Variants in MANSC4 observed in about 807,000 individuals in gnomAD.
MANSC4 encodes MANSC domain containing 4, also known as MANSC domain-containing protein 4.
MANSC4 carries 11 observed loss-of-function variants against 11.4 expected under a neutral mutation model. The observed-to-expected ratio is 0.97, with a 90% CI of 0.61 to 1.60. The LOEUF (loss-of-function observed/expected upper bound fraction) is 1.60, where lower values mean the gene tolerates loss of function less well. MANSC4 is among the 40% of genes most tolerant of loss of function. The probability of loss-of-function intolerance (pLI) is 0.00; values close to 1 mark genes in which losing one functional copy is unlikely to be tolerated. For synonymous variants in MANSC4, 123 were observed against 147.1 expected (o/e 0.84, Z 1.19); for missense variants, 354 against 404.6 (o/e 0.88, Z 1.07).
At chr12:27,770,966 C>T in intron 2 of MANSC4, 82 bp downstream of exon 2, 5 of 1,006,820 alleles carry the variant, frequency 5.0e-6, no homozygotes, top group Non-Finnish European at 7.2e-6. Context: ...TGTTTACTGG[C>T]CTCTGCCTAA....
intron 1 of MANSC4, among the ~76,000 whole-genome samples, chr12:27,776,588 G>A (rs190801596): frequency 1.8e-3 from 267 of 152,030 alleles, no homozygotes; most frequent in African/African-American, 6.3e-3. Context: ...GAATTAACCG[G>A]GCATAGTGGC....
intron 1 of MANSC4, among the ~76,000 whole-genome samples, chr12:27,774,309 C>T (rs540108088): frequency 9.2e-5 from 14 of 152,058 alleles, no homozygotes; most frequent in African/African-American, 3.4e-4. Context: ...CAATATTTCA[C>T]CTTTAATTAA....
chr12:27,773,922 C>T (rs764703039), intron 1 of MANSC4, among the ~76,000 whole-genome samples: 29 of 151,990 alleles, frequency 1.9e-4, no homozygotes, highest in Non-Finnish European at 3.1e-4. Context: ...CTGAGATGGG[C>T]GGATCACTAG....
In MANSC4 at chr12:27,768,577, ACTT is replaced by A. The variant is rs983997945; in HGVS notation, c.230-1781_230-1779del. Reference sequence around the variant, plus strand: ...CTCACAAAAGTGCAACATAGATTCTACTTCTGCTGCAGTGCAGTAGAGACCATG... The same window carrying A: ...CTCACAAAAGTGCAACATAGATTCTACTGCTGCAGTGCAGTAGAGACCATG... On this transcript the variant is annotated intron_variant, in intron 2 of 3. Coordinates refer to ENST00000381273, the MANE Select transcript of MANSC4 (RefSeq NM_001146221.5). Among the ~76,000 whole-genome samples the A allele has an allele frequency of 1.1e-4, 17 of 151,774 alleles. No homozygotes were observed. The South Asian group carries it at 2.3e-3, about 20-fold the overall frequency.
intron 3 of MANSC4, among the ~76,000 whole-genome samples, chr12:27,766,332 C>T (rs551976277): frequency 1.3e-5 from 2 of 152,270 alleles, no homozygotes; most frequent in South Asian, 4.1e-4. Context: ...TCCCAAAGTG[C>T]TGGGATTACA....
Position 27,771,524 on chromosome 12 carries a change from A to T in MANSC4, c.-248T>A, listed in dbSNP as rs961867107. ...TTCTGAACACTTTCCAGGCTATTTC[A>T]ATACCCTGTCCCTTAGCATCTTAAG... On this transcript the variant is annotated 5_prime_UTR_variant, in exon 2 of 4. It introduces an in-frame stop codon into an upstream open reading frame of the 5' UTR. Coordinates refer to ENST00000381273, the MANE Select transcript of MANSC4 (RefSeq NM_001146221.5). Among the ~76,000 whole-genome samples, 1 of 152,178 alleles carries T rather than the reference A, an allele frequency of 6.6e-6. No homozygotes were observed. Among genetic ancestry groups the T allele is most frequent in the African/African-American group, 2.4e-5 (1 of 41,434 alleles).
intron 1 of MANSC4, among the ~76,000 whole-genome samples, chr12:27,778,023 C>G (rs565500739): frequency 6.6e-6 from 1 of 151,782 alleles, no homozygotes; most frequent in East Asian, 1.9e-4. Flanking sequence ...GTCGGGAGTT[C>G]CAGACCAGCC....
intron 2 of MANSC4, among the ~76,000 whole-genome samples, chr12:27,767,074 G>A (rs895913698): frequency 1.3e-5 from 2 of 152,020 alleles, no homozygotes; most frequent in African/African-American, 4.8e-5. Flanking sequence ...AGACCTCCCG[G>A]GTCCAAGCAA....
rs1047794948 is a variant in MANSC4 at position 27,780,193 on chromosome 12, G to A, written c.-307+17C>T. 3.5e-6 allele frequency: 2 copies of A among 574,446 alleles called. No homozygotes were observed. The highest frequency in any genetic ancestry group is 4.9e-6 in the Non-Finnish European group (2 of 406,152). 35.6% of individuals were successfully genotyped at this position (574,446 alleles called of 1,614,324 possible). On this transcript the variant is annotated intron_variant, in intron 1 of 3. Transcript: ENST00000381273. The surrounding 1 kb of genome is among the most constrained non-coding windows in gnomAD (Gnocchi z 8.8). The stretch of plus-strand genomic sequence containing the variant: ...AGGGGCCGCCGGAGAGGCCGGGCGA[G>A]CGCGGGCGGCCCTCACCTCGCCGCT...
intron 1 of MANSC4, among the ~76,000 whole-genome samples, chr12:27,775,711 T>C (rs2062117260): frequency 6.6e-6 from 1 of 152,186 alleles, no homozygotes; most frequent in East Asian, 1.9e-4. Flanking sequence ...TCCTATAAAT[T>C]TTATTTTACA....
intron 1 of MANSC4, among the ~76,000 whole-genome samples, chr12:27,772,969 T>A (rs926526629): frequency 2.0e-5 from 3 of 152,260 alleles, no homozygotes; most frequent in Non-Finnish European, 2.9e-5. Context: ...CTTTCAGGGA[T>A]AATGGAACAA....
intron 2 of MANSC4, among the ~76,000 whole-genome samples, chr12:27,770,669 T>G (rs1565477814): frequency 6.6e-6 from 1 of 152,148 alleles, no homozygotes; most frequent in African/African-American, 2.4e-5. Flanking sequence ...TGAGACCCTG[T>G]CTCTAAAAAT....
In MANSC4 at chr12:27,762,743, A is replaced by C; in HGVS notation, c.1018T>G (p.Ser340Ala). 1 of 1,521,292 alleles carries C rather than the reference A, an allele frequency of 6.6e-7. No homozygotes were observed. The highest frequency in any genetic ancestry group is 1.4e-5 in the African/African-American group (1 of 71,636). The allele number at this position is 1,521,292 out of a possible 1,614,324, so 94.2% of individuals were successfully genotyped here. ...KNRNHMKENS[S>A] ...TAATCTTGCTACAGTTTTTACTATG[A>C]AGAGTTCTCCTTCATATGGTTACGG... The change falls in exon 4 of 4, where the codon TCA becomes GCA. Residue 340 changes from serine to alanine, a missense_variant. By Grantham distance (99) the Ser-to-Ala change is moderately conservative. Coordinates refer to ENST00000381273, the MANE Select transcript of MANSC4 (RefSeq NM_001146221.5).
chr12:27,770,907 C>T lies in MANSC4; in HGVS notation c.229+141G>A. On this transcript the variant is annotated intron_variant, in intron 2 of 3. Coordinates refer to ENST00000381273, the MANE Select transcript of MANSC4 (RefSeq NM_001146221.5). ...ATCAGTTTCACTGGCTCTCTTACCT[C>T]TCCCTCTCTCTCCCACACCCTAGGG... is the stretch of plus-strand genomic sequence containing the variant. The T allele has an allele frequency of 1.4e-5, 9 of 621,560 alleles. No individual in the cohort carries two copies. In the South Asian group the frequency reaches 2.0e-4, roughly 14 times the overall value. The allele number at this position is 621,560 out of a possible 1,614,324, so 38.5% of individuals were successfully genotyped here.
chr12:27,766,647 G>A lies in MANSC4; in HGVS notation c.364+18C>T, dbSNP rs2062073403. On this transcript the variant is annotated intron_variant, in intron 3 of 3. Coordinates refer to ENST00000381273, the MANE Select transcript of MANSC4 (RefSeq NM_001146221.5). The stretch of plus-strand genomic sequence containing the variant: ...ATCGCCAGCATTCTTTTAAAGTCTT[G>A]AAATATGTAATCATTACCGTCTGTT... 6.5e-7 allele frequency: 1 copy of A among 1,548,368 alleles called. No homozygotes were observed. Among genetic ancestry groups the A allele is most frequent in the Admixed American group, 2.0e-5 (1 of 50,316 alleles).
At chr12:27,777,830 A>C (rs1251969339) in intron 1 of MANSC4, among the ~76,000 whole-genome samples, 1 of 152,158 alleles carries the variant, frequency 6.6e-6, no homozygotes, top group Non-Finnish European at 1.5e-5. Context: ...TTGAGAGACC[A>C]AGGCAGCAGG....
At chr12:27,768,912 G>A (rs555630092) in intron 2 of MANSC4, among the ~76,000 whole-genome samples, 6 of 152,218 alleles carry the variant, frequency 3.9e-5, no homozygotes, top group Admixed American at 3.9e-4. Context: ...TTACAGGCAT[G>A]AGCTACCCTC....
Position 27,775,250 on chromosome 12 carries a change from C to T in MANSC4, c.-306-3668G>A, listed in dbSNP as rs2062115278. On this transcript the variant is annotated intron_variant, in intron 1 of 3. Transcript: ENST00000381273. ...ACCATGAGTAACTCCATTTTGGTTTCATCTGTTGGGGCTAGTGCAGGAGCT... is the reference window on the plus strand; with the variant it reads ...ACCATGAGTAACTCCATTTTGGTTTTATCTGTTGGGGCTAGTGCAGGAGCT... 2.0e-5 allele frequency among the ~76,000 whole-genome samples: 3 copies of T among 152,026 alleles called. No homozygotes were observed. The South Asian group carries it at 6.2e-4, about 32-fold the overall frequency.
chr12:27,770,056 C>T lies in MANSC4; in HGVS notation c.229+992G>A, dbSNP rs181575706. ...AATATTTGGAAATATGATTTTGGGG[C>T]GGGTATTTGACATATATCTCCCTGT... On this transcript the variant is annotated intron_variant, in intron 2 of 3. Transcript: ENST00000381273. Among the ~76,000 whole-genome samples the T allele has an allele frequency of 8.9e-4, 135 of 152,238 alleles. 1 individual carries two copies. The highest frequency in any genetic ancestry group is 3.4e-3 in the Middle Eastern group (1 of 294).
Sources: allele counts gnomAD v4.1 joint callset (sites outside exome capture counted in the v4.1 genomes callset), GRCh38; gene constraint gnomAD v4.1.1; non-coding constraint Gnocchi (gnomAD v3.1); transcripts MANE v1.5; gene names NCBI Gene and HGNC (gene_info 2026-07-23, HGNC 2026-07-21).